The following RORB variants were observed in gnomAD, a reference collection of about 807,000 sequenced individuals.
The protein encoded by RORB is nuclear receptor ROR-beta.
RORB carries 6 observed loss-of-function variants against 59.1 expected under a neutral mutation model. The ratio of observed to expected loss-of-function variants is 0.10; its 90% CI spans 0.06 to 0.20. RORB has a LOEUF of 0.20. RORB is among the 10% of genes least tolerant of loss of function. RORB has a pLI of 1.00. For synonymous variants in RORB, 215 were observed against 204.5 expected (o/e 1.05, Z -0.44); for missense variants, 320 against 560.5 (o/e 0.57, Z 4.33).
intron 1 of RORB, among the ~76,000 whole-genome samples, chr9:74,584,326 G>A (rs1475725027): frequency 6.6e-6 from 1 of 152,156 alleles, no homozygotes; most frequent in African/African-American, 2.4e-5. Flanking sequence ...AGTTGTACTC[G>A]CTGCATAACC....
At chr9:74,498,214 G>C in intron 1 of RORB, 1 of 600,664 alleles carries the variant, frequency 1.7e-6, no homozygotes, top group Non-Finnish European at 3.0e-6. Context: ...CTTTTTTGGA[G>C]AGGGGAGACA....
chr9:74,591,971 A>G (rs1587374123), intron 1 of RORB, among the ~76,000 whole-genome samples: 1 of 152,220 alleles, frequency 6.6e-6, no homozygotes, highest in East Asian at 1.9e-4. Flanking sequence ...AGAGAGAGAG[A>G]GAGAGGATGA....
intron 4 of RORB, among the ~76,000 whole-genome samples, chr9:74,654,751 C>T (rs531130948): frequency 2.4e-4 from 36 of 152,202 alleles, no homozygotes; most frequent in Admixed American, 7.9e-4. Context: ...GTTATAAATT[C>T]TGTTAATTGA....
chr9:74,618,473 G>C (rs1448184970), intron 1 of RORB, among the ~76,000 whole-genome samples: 1 of 152,084 alleles, frequency 6.6e-6, no homozygotes, highest in Non-Finnish European at 1.5e-5. Context: ...CTAAAACAAA[G>C]ACATTGAAAT....
intron 1 of RORB, among the ~76,000 whole-genome samples, chr9:74,627,425 T>C (rs945511571): frequency 2.6e-5 from 4 of 152,164 alleles, no homozygotes; most frequent in Non-Finnish European, 4.4e-5. Context: ...ATGTTTATAG[T>C]TCTTCAGGAT....
intron 4 of RORB, among the ~76,000 whole-genome samples, chr9:74,653,810 C>G (rs1824035064): frequency 7.4e-6 from 1 of 135,322 alleles, no homozygotes; most frequent in African/African-American, 2.7e-5. Flanking sequence ...AAATGTCTAT[C>G]TAGTGAGAGG....
chr9:74,545,436 T>A (rs1417015384), intron 1 of RORB, among the ~76,000 whole-genome samples: 1 of 152,178 alleles, frequency 6.6e-6, no homozygotes, highest in Non-Finnish European at 1.5e-5. Context: ...AGTAAATATA[T>A]CTAACATTAT....
At chr9:74,681,306 C>T (rs1421020106) in intron 9 of RORB, among the ~76,000 whole-genome samples, 4 of 152,236 alleles carry the variant, frequency 2.6e-5, no homozygotes, top group Non-Finnish European at 5.9e-5. Context: ...TGATTGCCTG[C>T]TGCTCTCTAC....
chr9:74,513,151 A>G (rs1376078852), intron 1 of RORB, among the ~76,000 whole-genome samples: 2 of 152,124 alleles, frequency 1.3e-5, no homozygotes, highest in African/African-American at 2.4e-5. Context: ...TGCTATGGCA[A>G]AATTAGTTCC....
chr9:74,527,687 GATT>G (rs1826176898), intron 1 of RORB, among the ~76,000 whole-genome samples: 1 of 151,998 alleles, frequency 6.6e-6, no homozygotes. Context: ...TTTTGTCAAA[GATT>G]TCCAAGTCTG....
At chr9:74,576,267 C>T (rs551414575) in intron 1 of RORB, among the ~76,000 whole-genome samples, 1 of 152,090 alleles carries the variant, frequency 6.6e-6, no homozygotes, top group Admixed American at 6.6e-5. Context: ...GCATGTTAGA[C>T]TCCATTGTTT....
chr9:74,680,890 C>A (rs561050814), intron 9 of RORB, among the ~76,000 whole-genome samples: 56 of 152,222 alleles, frequency 3.7e-4, no homozygotes, highest in Admixed American at 1.8e-3. Flanking sequence ...TTTCTAACAT[C>A]AAATGTACCA....
intron 1 of RORB, among the ~76,000 whole-genome samples, chr9:74,577,301 T>C (rs1423682379): frequency 6.6e-6 from 1 of 152,092 alleles, no homozygotes; most frequent in Non-Finnish European, 1.5e-5. Context: ...AAGAATGATC[T>C]TGGTGTCTTT....
intron 8 of RORB, 81 bp from the exon 9 acceptor site, chr9:74,671,708 C>A: frequency 1.3e-6 from 1 of 743,338 alleles, no homozygotes; most frequent in Non-Finnish European, 2.3e-6. Context: ...TGAAATGGGT[C>A]TGAAGCTTGG....
At chr9:74,624,260 C>G (rs544437824) in intron 1 of RORB, among the ~76,000 whole-genome samples, 22 of 152,138 alleles carry the variant, frequency 1.4e-4, no homozygotes, top group Non-Finnish European at 1.8e-4. Flanking sequence ...AAAACTCACA[C>G]AGCCCACCAC....
chr9:74,542,431 C>T (rs1826423098), intron 1 of RORB, among the ~76,000 whole-genome samples: 1 of 152,048 alleles, frequency 6.6e-6, no homozygotes. Context: ...GCAAAGTAGA[C>T]ACAACTGAAG....
chr9:74,549,632 G>GGAAA lies in RORB; in HGVS notation c.7+51664_7+51667dup, dbSNP rs796962672. On this transcript the variant is annotated intron_variant, in intron 1 of 9. Transcript: ENST00000376896. ...AGAAAGGAAGGAAGGAAGGAAGAAA[G>GGAAA]GAAAGAAAGAAAGAAAGAGAGAAGA... 5.6e-5 allele frequency among the ~76,000 whole-genome samples: 8 copies of GGAAA among 143,052 alleles called. 1 individual carries two copies. The highest frequency in any genetic ancestry group is 2.0e-4 in the East Asian group (1 of 4,940). 93.8% of individuals were successfully genotyped at this position (143,052 alleles called of 152,430 possible). A position where few individuals can be genotyped will look rare whatever the true frequency, so the allele number is the denominator to read the frequency against.
intron 1 of RORB, among the ~76,000 whole-genome samples, chr9:74,500,446 T>A (rs1442730590): frequency 6.6e-6 from 1 of 152,138 alleles, no homozygotes; most frequent in East Asian, 1.9e-4. Context: ...GGGAAAAGAA[T>A]CAGCTTTCGC....
chr9:74,667,929 T>C (rs772086490), intron 8 of RORB, 28 bp downstream of exon 8: 3 of 1,412,102 alleles, frequency 2.1e-6, no homozygotes, highest in Admixed American at 3.4e-5. Flanking sequence ...CTCTTACCTT[T>C]TTAAAAAACT....
Sources: gnomAD v4.1 joint callset for allele counts (sites outside exome capture counted in the v4.1 genomes callset) on GRCh38, gnomAD v4.1.1 for gene constraint, MANE v1.5 for transcripts, NCBI Gene and HGNC (gene_info 2026-07-23, HGNC 2026-07-21) for gene names.